The following MAP7D2 variants were observed in gnomAD, a reference collection of about 807,000 sequenced individuals.
MAP7D2 encodes the protein MAP7 domain-containing protein 2.
In MAP7D2, 33 loss-of-function variants were observed where a neutral mutation model predicts 63.5. The ratio of observed to expected loss-of-function variants is 0.52; its 90% CI spans 0.39 to 0.70. The LOEUF (loss-of-function observed/expected upper bound fraction) is 0.70, where lower values mean the gene tolerates loss of function less well. Among genes scored for constraint, MAP7D2 ranks in the 30% least tolerant of loss-of-function variants. The probability of loss-of-function intolerance (pLI) is 0.00; values close to 1 mark genes in which losing one functional copy is unlikely to be tolerated. For missense variants in MAP7D2, 626 were observed against 604.0 expected, an observed-to-expected ratio of 1.04 and a Z score of -0.38; for synonymous variants, 224 against 223.7, an observed-to-expected ratio of 1.00 and a Z score of -0.01.
intron 1 of MAP7D2, among the ~76,000 whole-genome samples, chrX:20,114,331 C>T (rs1156970193): frequency 8.9e-6 from 1 of 112,704 alleles, no homozygotes; most frequent in Non-Finnish European, 1.9e-5. Flanking sequence ...GCAGAAGTTG[C>T]AGTGAGCTAA....
chrX:20,068,338 C>T (rs1373071578), intron 1 of MAP7D2, among the ~76,000 whole-genome samples: 1 of 112,342 alleles, frequency 8.9e-6, no homozygotes, highest in Non-Finnish European at 1.9e-5. Flanking sequence ...GTGATTCTCT[C>T]TCTGCACGTC....
chrX:20,044,326 G>A (rs765904468), intron 7 of MAP7D2, 38 bp downstream of exon 7: 14 of 1,185,281 alleles, frequency 1.2e-5, no homozygotes, highest in Non-Finnish European at 1.5e-5. Context: ...ACAGAACACA[G>A]TCTAGAGGAG....
intron 3 of MAP7D2, among the ~76,000 whole-genome samples, chrX:20,059,927 A>G (rs766096084): frequency 9.0e-6 from 1 of 111,378 alleles, no homozygotes; most frequent in East Asian, 2.8e-4. Context: ...GGTTGCCAGC[A>G]GGGCACATTC....
intron 1 of MAP7D2, chrX:20,116,443 GA>G: frequency 2.2e-6 from 1 of 452,443 alleles, no homozygotes; most frequent in Non-Finnish European, 2.8e-6. Context: ...CGAGGACGGG[GA>G]CTGGACCCGC....
chrX:20,096,445 A>G lies in MAP7D2; in HGVS notation c.130+20305T>C, dbSNP rs552302499. On this transcript the variant is annotated intron_variant, in intron 1 of 16. Transcript: ENST00000379643. The stretch of plus-strand genomic sequence containing the variant: ...ACCTTGTCTCAAAAAAAAAAAAAAA[A>G]AAAGAAAAAAAAGAAATTCTGACAC... Among the ~76,000 whole-genome samples, 22 of 107,307 alleles carry G rather than the reference A, an allele frequency of 2.1e-4. No individual in the cohort carries two copies. The South Asian group carries it at 4.5e-3, about 22-fold the overall frequency. 93.2% of individuals were successfully genotyped at this position (107,307 alleles called of 115,157 possible). A position where few individuals can be genotyped will look rare whatever the true frequency, so the allele number is the denominator to read the frequency against.
At chrX:20,051,506 T>C (rs1364765529) in intron 5 of MAP7D2, among the ~76,000 whole-genome samples, 1 of 105,096 alleles carries the variant, frequency 9.5e-6, no homozygotes, top group Non-Finnish European at 1.9e-5. Context: ...GCCAAGACTG[T>C]ATCACTGCAC....
intron 10 of MAP7D2, among the ~76,000 whole-genome samples, chrX:20,019,004 T>A (rs998106963): frequency 4.5e-5 from 5 of 110,242 alleles, no homozygotes; most frequent in African/African-American, 6.6e-5. Context: ...CCTCCAAAGT[T>A]CATCAGCTCT....
At chrX:20,110,054 C>T (rs1398005343) in intron 1 of MAP7D2, among the ~76,000 whole-genome samples, 1 of 107,742 alleles carries the variant, frequency 9.3e-6, no homozygotes, top group Non-Finnish European at 1.9e-5. Flanking sequence ...AGAAAAGATT[C>T]AGATATTCAG....
At chrX:20,013,233 T>C (rs1385791000) in intron 13 of MAP7D2, 101 bp from the exon 14 acceptor site, 7 of 574,723 alleles carry the variant, frequency 1.2e-5, no homozygotes, top group Non-Finnish European at 2.0e-5. Context: ...GCCTGGACCA[T>C]CTGCCTGTTC....
At chrX:20,090,238 T>C (rs947556001) in intron 1 of MAP7D2, among the ~76,000 whole-genome samples, 4 of 109,710 alleles carry the variant, frequency 3.6e-5, no homozygotes, top group Non-Finnish European at 7.6e-5. Flanking sequence ...CTCACGCATG[T>C]AATTCCAGAA....
intron 1 of MAP7D2, among the ~76,000 whole-genome samples, chrX:20,089,790 T>A (rs1367555519): frequency 8.9e-6 from 1 of 112,353 alleles, no homozygotes; most frequent in East Asian, 2.8e-4. Flanking sequence ...TACAAAACAA[T>A]GCCCTCCTAT....
Position 20,085,130 on chromosome X carries a change from A to T in MAP7D2, c.131-20325T>A, listed in dbSNP as rs762347734. 8.0e-5 allele frequency among the ~76,000 whole-genome samples: 9 copies of T among 112,024 alleles called. No individual in the cohort carries two copies. In the East Asian group the frequency reaches 2.5e-3, roughly 32 times the overall value. On this transcript the variant is annotated intron_variant, in intron 1 of 16. Transcript: ENST00000379643. ...TCATATGACCTATACAGGCCCTACC[A>T]GGCAAATAAGTCCCCTCCTAAGGAC...
intron 4 of MAP7D2, among the ~76,000 whole-genome samples, chrX:20,055,076 C>CTTTTT: frequency 9.7e-6 from 1 of 103,401 alleles, no homozygotes; most frequent in Non-Finnish European, 2.0e-5. Flanking sequence ...CCTTTTACAG[C>CTTTTT]TTTTTTTTTT....
Position 20,113,841 on chromosome X carries a change from C to T in MAP7D2, c.130+2909G>A, listed in dbSNP as rs2066815252. Among the ~76,000 whole-genome samples, 4 of 111,861 alleles carry T rather than the reference C, an allele frequency of 3.6e-5. No individual in the cohort carries two copies. In the Admixed American group the frequency reaches 3.8e-4, roughly 11 times the overall value. On this transcript the variant is annotated intron_variant, in intron 1 of 16. Transcript: ENST00000379643. Reference sequence around the variant, plus strand: ...TCCTTTGTGTTACAAACAATCCAGTCATACTAGTAGTTATTTTTAAATGAA... The same window carrying T: ...TCCTTTGTGTTACAAACAATCCAGTTATACTAGTAGTTATTTTTAAATGAA...
intron 1 of MAP7D2, among the ~76,000 whole-genome samples, chrX:20,102,772 C>T (rs780251659): frequency 2.1e-5 from 1 of 47,671 alleles, no homozygotes; most frequent in Non-Finnish European, 3.8e-5. Context: ...CTGTAATGGG[C>T]GGGGTGGGGG....
At chrX:20,060,416 A>AAGAG (rs201124124) in intron 3 of MAP7D2, among the ~76,000 whole-genome samples, 26 of 85,945 alleles carry the variant, frequency 3.0e-4, no homozygotes, top group African/African-American at 4.7e-4. Flanking sequence ...AAGAAAAGAA[A>AAGAG]AGAGAGAGAG....
chrX:20,009,359 A>G (rs2073103392), intron 16 of MAP7D2, among the ~76,000 whole-genome samples: 1 of 112,118 alleles, frequency 8.9e-6, no homozygotes, highest in South Asian at 3.7e-4. Flanking sequence ...GAGAATATAA[A>G]AATGCTTTTA....
chrX:20,019,133 C>T (rs763591989), intron 10 of MAP7D2, among the ~76,000 whole-genome samples: 1 of 110,722 alleles, frequency 9.0e-6, no homozygotes, highest in African/African-American at 3.3e-5. Context: ...CTCAAGCGAT[C>T]CTCCCACCTC....
chrX:20,027,553 G>T (rs961048149), intron 8 of MAP7D2, among the ~76,000 whole-genome samples: 24 of 110,790 alleles, frequency 2.2e-4, no homozygotes, highest in South Asian at 3.8e-4. Flanking sequence ...CCATTCACTA[G>T]ATGCCAGCAG....
Sources: gnomAD v4.1 joint callset for allele counts (sites outside exome capture counted in the v4.1 genomes callset) on GRCh38, gnomAD v4.1.1 for gene constraint, MANE v1.5 for transcripts, NCBI Gene and HGNC (gene_info 2026-07-23, HGNC 2026-07-21) for gene names.